The following CCSER1 variants were observed in gnomAD, a reference collection of about 807,000 sequenced individuals.
CCSER1 encodes the protein coiled-coil serine rich protein 1, also known as serine-rich coiled-coil domain-containing protein 1.
In CCSER1, 41 loss-of-function variants were observed where a neutral mutation model predicts 82.0. The ratio of observed to expected loss-of-function variants is 0.50; its 90% CI spans 0.39 to 0.65. The LOEUF (loss-of-function observed/expected upper bound fraction) is 0.65, where lower values mean the gene tolerates loss of function less well. Among genes scored for constraint, CCSER1 ranks in the 30% least tolerant of loss-of-function variants. CCSER1 has a pLI of 0.00. For missense variants in CCSER1, 1,119 were observed against 1,064.2 expected (o/e 1.05, Z -0.72); for synonymous variants, 414 against 383.9 (o/e 1.08, Z -0.92).
chr4:90,511,611 G>T (rs533714935), intron 5 of CCSER1, among the ~76,000 whole-genome samples: 1 of 152,130 alleles, frequency 6.6e-6, no homozygotes, highest in Non-Finnish European at 1.5e-5. Flanking sequence ...GATAATTCAG[G>T]TTCAGGAATT....
chr4:90,398,311 G>T (rs180803688), intron 3 of CCSER1, among the ~76,000 whole-genome samples: 117 of 152,152 alleles, frequency 7.7e-4, no homozygotes, highest in African/African-American at 2.6e-3. Context: ...CTGGGGGTTA[G>T]GATTTTTTAT....
rs562860456 is a variant in CCSER1, at chr4:91,131,856, G to A, written c.2217+45862G>A. On this transcript the variant is annotated intron_variant, in intron 10 of 10. Coordinates refer to ENST00000509176, the MANE Select transcript of CCSER1 (RefSeq NM_001145065.2). ...TGAAATAGTGAAAGGCACGTGACAC[G>A]GAGTTTGATACACAGAGGTAGAGTA... 1.3e-3 allele frequency among the ~76,000 whole-genome samples: 202 copies of A among 152,046 alleles called. 2 individuals carry two copies. Among genetic ancestry groups the A allele is most frequent in the Non-Finnish European group, 2.0e-3 (134 of 67,972 alleles).
At chr4:91,464,820 A>G (rs1247256212) in intron 10 of CCSER1, among the ~76,000 whole-genome samples, 2 of 152,210 alleles carry the variant, frequency 1.3e-5, no homozygotes, top group African/African-American at 4.8e-5. Flanking sequence ...CTAAATATAT[A>G]TGCACCCAAT....
At chr4:91,578,759 C>A (rs1336178091) in intron 10 of CCSER1, among the ~76,000 whole-genome samples, 1 of 151,794 alleles carries the variant, frequency 6.6e-6, no homozygotes, top group Non-Finnish European at 1.5e-5. Context: ...TGAGGAATAT[C>A]TTTTTCCCAT....
At chr4:90,408,679 G>A (rs1317042055) in intron 4 of CCSER1, among the ~76,000 whole-genome samples, 2 of 152,142 alleles carry the variant, frequency 1.3e-5, no homozygotes, top group East Asian at 3.8e-4. Context: ...CACAAAGATA[G>A]GGGAAAAATA....
At chr4:91,512,270 C>T (rs1220372531) in intron 10 of CCSER1, among the ~76,000 whole-genome samples, 3 of 152,138 alleles carry the variant, frequency 2.0e-5, no homozygotes. Flanking sequence ...TAATCAACTG[C>T]CAGTGTGATT....
intron 5 of CCSER1, among the ~76,000 whole-genome samples, chr4:90,588,785 G>T (rs10006904): frequency 0.06 from 9,122 of 152,092 alleles, 748 homozygotes; most frequent in African/African-American, 0.18. Flanking sequence ...CTTTTGCTTG[G>T]CTCTCATTTC....
chr4:90,605,761 C>T lies in CCSER1; in HGVS notation c.1725-22264C>T, dbSNP rs371957224. On this transcript the variant is annotated intron_variant, in intron 5 of 10. Coordinates refer to ENST00000509176, the MANE Select transcript of CCSER1 (RefSeq NM_001145065.2). The stretch of plus-strand genomic sequence containing the variant: ...AATGATTTTTTATAATTTTTTTTGA[C>T]TTCTTAGTGCCAGTGTGTTTACATT... 9.7e-4 allele frequency among the ~76,000 whole-genome samples: 148 copies of T among 151,870 alleles called. No homozygotes were observed. The South Asian group carries it at 0.011, about 12-fold the overall frequency.
chr4:91,190,930 C>T (rs4693265), intron 10 of CCSER1, among the ~76,000 whole-genome samples: 97,289 of 152,036 alleles, frequency 0.64, 32,391 homozygotes, highest in African/African-American at 0.83. Flanking sequence ...AGTTTTCTCA[C>T]CTGTAAAATG....
At chr4:91,418,491 T>C (rs768516863) in intron 10 of CCSER1, among the ~76,000 whole-genome samples, 1 of 151,662 alleles carries the variant, frequency 6.6e-6, no homozygotes, top group Non-Finnish European at 1.5e-5. Flanking sequence ...ATGAATAAAT[T>C]TGTAGAAACA....
At chr4:91,507,376 C>T (rs1759555346) in intron 10 of CCSER1, among the ~76,000 whole-genome samples, 1 of 152,084 alleles carries the variant, frequency 6.6e-6, no homozygotes, top group Admixed American at 6.6e-5. Flanking sequence ...TTCTTCAATT[C>T]ATGATGTTGG....
At chr4:90,899,102 TG>T (rs1323061778) in intron 8 of CCSER1, among the ~76,000 whole-genome samples, 5 of 152,142 alleles carry the variant, frequency 3.3e-5, no homozygotes, top group Admixed American at 3.3e-4. Context: ...TATTTCTTTG[TG>T]TCATTGATGA....
chr4:91,294,704 A>G (rs954798809), intron 10 of CCSER1, among the ~76,000 whole-genome samples: 4 of 151,758 alleles, frequency 2.6e-5, no homozygotes, highest in Non-Finnish European at 5.9e-5. Context: ...CTTCCTGTGT[A>G]TACCTCCAAC....
rs191730689 is a variant in CCSER1 at position 91,445,884 on chromosome 4, G to T, written c.2218-152688G>T. On this transcript the variant is annotated intron_variant, in intron 10 of 10. Transcript: ENST00000509176. ...TAGTGGGTTTTTTTTTCTTTATCTG[G>T]TCTGTGTAAATTCTGCATCTGCCAC... Among the ~76,000 whole-genome samples the T allele has an allele frequency of 1.7e-3, 261 of 151,898 alleles. 3 individuals are homozygous for T. Among genetic ancestry groups the T allele is most frequent in the African/African-American group, 5.6e-3 (233 of 41,454 alleles).
chr4:91,180,799 A>C (rs1281964260), intron 10 of CCSER1, among the ~76,000 whole-genome samples: 1 of 152,260 alleles, frequency 6.6e-6, no homozygotes, highest in Non-Finnish European at 1.5e-5. Flanking sequence ...CAACCTTCAG[A>C]GCTGAGAGCC....
chr4:90,877,757 A>C (rs983198404), intron 8 of CCSER1, among the ~76,000 whole-genome samples: 2 of 152,058 alleles, frequency 1.3e-5, no homozygotes, highest in Non-Finnish European at 2.9e-5. Context: ...CAAACCCACT[A>C]AGATTTGGAG....
At chr4:91,460,678 G>T (rs775940325) in intron 10 of CCSER1, among the ~76,000 whole-genome samples, 28 of 152,122 alleles carry the variant, frequency 1.8e-4, no homozygotes, top group Non-Finnish European at 3.8e-4. Flanking sequence ...CAACAACTGT[G>T]TTGATCCCTT....
chr4:91,378,605 C>G (rs974455883), intron 10 of CCSER1, among the ~76,000 whole-genome samples: 1 of 152,132 alleles, frequency 6.6e-6, no homozygotes, highest in Non-Finnish European at 1.5e-5. Flanking sequence ...GATTTTGTAT[C>G]CTGAGGCTTT....
At chr4:91,458,366 C>A (rs1259904314) in intron 10 of CCSER1, among the ~76,000 whole-genome samples, 1 of 152,092 alleles carries the variant, frequency 6.6e-6, no homozygotes, top group African/African-American at 2.4e-5. Flanking sequence ...CTCTTCTCTT[C>A]CATTGGTCTA....
Sources: gnomAD v4.1 joint callset for allele counts (sites outside exome capture counted in the v4.1 genomes callset) on GRCh38, gnomAD v4.1.1 for gene constraint, MANE v1.5 for transcripts, NCBI Gene and HGNC (gene_info 2026-07-23, HGNC 2026-07-21) for gene names.